The following ZMYND8 variants were observed in gnomAD, a reference collection of about 807,000 sequenced individuals.
ZMYND8 encodes zinc finger MYND-type containing 8, also known as MYND-type zinc finger-containing chromatin reader ZMYND8.
Under a neutral mutation model 140.8 loss-of-function variants are expected in ZMYND8, and 37 were observed. The observed-to-expected ratio is 0.26, with a 90% CI of 0.20 to 0.35. The LOEUF is 0.35. Ranked by LOEUF, ZMYND8 falls within the 10% of genes least tolerant of loss-of-function variation. The probability of loss-of-function intolerance (pLI) is 1.00; values close to 1 mark genes in which losing one functional copy is unlikely to be tolerated. For synonymous variants in ZMYND8, 592 were observed against 597.1 expected (o/e 0.99, Z 0.12); for missense variants, 1,068 against 1,570.0 (o/e 0.68, Z 5.40).
chr20:47,259,868 G>T (rs2075028479), intron 12 of ZMYND8, among the ~76,000 whole-genome samples: 1 of 152,102 alleles, frequency 6.6e-6, no homozygotes, highest in Non-Finnish European at 1.5e-5. Flanking sequence ...GTCATTTCAA[G>T]AACTACCACT....
intron 12 of ZMYND8, among the ~76,000 whole-genome samples, chr20:47,252,178 C>G (rs1489703364): frequency 6.6e-6 from 1 of 151,256 alleles, no homozygotes; most frequent in African/African-American, 2.4e-5. Flanking sequence ...CCTGTAATCC[C>G]CGGTACTCAG....
chr20:47,226,486 T>C (rs1235210904), intron 18 of ZMYND8, among the ~76,000 whole-genome samples: 1 of 152,168 alleles, frequency 6.6e-6, no homozygotes, highest in African/African-American at 2.4e-5. Context: ...TTCTCCGCAC[T>C]GAGCAGTGCA....
intron 12 of ZMYND8, among the ~76,000 whole-genome samples, chr20:47,251,191 G>A (rs1043572489): frequency 6.6e-6 from 1 of 152,154 alleles, no homozygotes; most frequent in Non-Finnish European, 1.5e-5. Context: ...CTGTGTGCAT[G>A]CATGTGTGTG....
intron 5 of ZMYND8, among the ~76,000 whole-genome samples, chr20:47,293,005 G>A (rs935194632): frequency 5.5e-5 from 8 of 146,644 alleles, no homozygotes; most frequent in African/African-American, 2.0e-4. Context: ...TGATGCTGCA[G>A]TAAGCTATGA....
Position 47,210,730 on chromosome 20 carries a change from T to G in ZMYND8, c.*31A>C. The G allele has an allele frequency of 6.2e-7, 1 of 1,613,994 alleles. No individual in the cohort carries two copies. Among genetic ancestry groups the G allele is most frequent in the Non-Finnish European group, 8.5e-7 (1 of 1,179,950 alleles). On this transcript the variant is annotated 3_prime_UTR_variant, in exon 23 of 23. Transcript: ENST00000471951. The stretch of plus-strand genomic sequence containing the variant: ...CCTGGCGTCTGGGTTTTTCTCCCAA[T>G]GGGGTGGGTGGTTTGTGTCCCGATT...
At position 47,335,678 on chromosome 20, in the gene ZMYND8, C is replaced by T. The variant is rs572588837; in HGVS notation, c.85+12178G>A. On this transcript the variant is annotated intron_variant, in intron 2 of 22. Transcript: ENST00000471951. ...CACAGTCTTCTAGAATAATAATAGTCACACAAACATATAACGTGGGTCATG... is the reference window on the plus strand; with the variant it reads ...CACAGTCTTCTAGAATAATAATAGTTACACAAACATATAACGTGGGTCATG... Among the ~76,000 whole-genome samples, 12 of 152,266 alleles carry T rather than the reference C, an allele frequency of 7.9e-5. No homozygotes were observed. The East Asian group carries it at 2.3e-3, about 29-fold the overall frequency.
chr20:47,287,868 A>G (rs1601614992), intron 7 of ZMYND8, among the ~76,000 whole-genome samples: 1 of 120,280 alleles, frequency 8.3e-6, no homozygotes, highest in African/African-American at 3.5e-5. Context: ...ACGCACACAC[A>G]TACACATTTT....
Position 47,350,021 on chromosome 20 carries a change from T to C in ZMYND8, c.15-2095A>G, listed in dbSNP as rs560138103. 3.5e-5 allele frequency: 51 copies of C among 1,472,868 alleles called. No homozygotes were observed. The African/African-American group carries it at 5.4e-4, about 16-fold the overall frequency. 91.2% of individuals were successfully genotyped at this position (1,472,868 alleles called of 1,614,324 possible). ...ACGAGGAAAATGCAAACTAGTTATG[T>C]GGTGGCTATTTGCTTCTGAGTTTTA... On this transcript the variant is annotated intron_variant, in intron 1 of 22. Transcript: ENST00000471951.
rs781429226 is a variant in ZMYND8, at chr20:47,347,937, G to A, written c.15-11C>T. On this transcript the variant is annotated splice_polypyrimidine_tract_variant and intron_variant, in intron 1 of 22. Coordinates refer to ENST00000471951, the MANE Select transcript of ZMYND8 (RefSeq NM_001281775.3). ...TCCTCTTCAGCCAAGCTGAAACAGAGCAAATTATGTTCATGTTTAGGAAGG... is the reference window on the plus strand; with the variant it reads ...TCCTCTTCAGCCAAGCTGAAACAGAACAAATTATGTTCATGTTTAGGAAGG... The A allele has an allele frequency of 1.9e-6, 3 of 1,613,428 alleles. No individual in the cohort carries two copies. Among genetic ancestry groups the A allele is most frequent in the South Asian group, 1.1e-5 (1 of 91,088 alleles).
At chr20:47,284,557 C>A (rs2076809144) in intron 8 of ZMYND8, among the ~76,000 whole-genome samples, 1 of 152,140 alleles carries the variant, frequency 6.6e-6, no homozygotes, top group Admixed American at 6.5e-5. Flanking sequence ...CTGGCCCCAG[C>A]CCACCTGTCT....
intron 8 of ZMYND8, chr20:47,285,739 CAAG>C: frequency 4.1e-6 from 4 of 985,028 alleles, no homozygotes; most frequent in African/African-American, 1.7e-5. Flanking sequence ...TATTTAATGA[CAAG>C]AGGAGTAATT....
intron 12 of ZMYND8, among the ~76,000 whole-genome samples, chr20:47,257,023 G>A (rs1038803609): frequency 6.6e-6 from 1 of 152,138 alleles, no homozygotes; most frequent in African/African-American, 2.4e-5. Flanking sequence ...AGAAGAAAAG[G>A]ACCGGGCCCA....
chr20:47,214,532 C>T (rs1466384153), intron 21 of ZMYND8, among the ~76,000 whole-genome samples: 3 of 152,190 alleles, frequency 2.0e-5, no homozygotes, highest in East Asian at 1.9e-4. Flanking sequence ...CTCACTCTGT[C>T]GCCCAGACTG....
chr20:47,325,965 A>T (rs1017977227), intron 2 of ZMYND8, among the ~76,000 whole-genome samples: 1 of 149,856 alleles, frequency 6.7e-6, no homozygotes, highest in African/African-American at 2.5e-5. Context: ...TTATTTATCT[A>T]TTTATTTTTT....
chr20:47,259,900 G>A (rs944016176), intron 12 of ZMYND8, among the ~76,000 whole-genome samples: 2 of 152,076 alleles, frequency 1.3e-5, no homozygotes, highest in Non-Finnish European at 2.9e-5. Context: ...CCACGTACAC[G>A]TCAAGATTCC....
In ZMYND8 at chr20:47,294,885, C is replaced by T. The variant is rs150063281; in HGVS notation, c.454-106G>A. 5.5e-5 allele frequency: 56 copies of T among 1,013,300 alleles called. No homozygotes were observed. In the East Asian group the frequency reaches 1.4e-3, roughly 25 times the overall value. The allele number at this position is 1,013,300 out of a possible 1,614,324, so 62.8% of individuals were successfully genotyped here. A position where few individuals can be genotyped will look rare whatever the true frequency, so the allele number is the denominator to read the frequency against. ...CAACTGACAGACAAAAAGCAATTCTCATCCCAATGAGACTTGTTGTTTCAC... is the reference window on the plus strand; with the variant it reads ...CAACTGACAGACAAAAAGCAATTCTTATCCCAATGAGACTTGTTGTTTCAC... On this transcript the variant is annotated intron_variant, in intron 4 of 22. Coordinates refer to ENST00000471951, the MANE Select transcript of ZMYND8 (RefSeq NM_001281775.3).
At chr20:47,314,213 A>G (rs1042253554) in intron 2 of ZMYND8, among the ~76,000 whole-genome samples, 2 of 151,866 alleles carry the variant, frequency 1.3e-5, no homozygotes, top group South Asian at 2.1e-4. Flanking sequence ...AAATAAAGAA[A>G]ATTGGCCAGG....
chr20:47,220,122 C>A, intron 21 of ZMYND8, 136 bp downstream of exon 21: 2 of 700,600 alleles, frequency 2.9e-6, no homozygotes, highest in Non-Finnish European at 2.3e-6. Context: ...CACTGACCCA[C>A]CCCAGGCACC....
chr20:47,325,660 T>C (rs2080347810), intron 2 of ZMYND8, among the ~76,000 whole-genome samples: 1 of 152,220 alleles, frequency 6.6e-6, no homozygotes, highest in African/African-American at 2.4e-5. Flanking sequence ...TAAGTAAAGA[T>C]TTATAACTTG....
Sources: allele counts gnomAD v4.1 joint callset (sites outside exome capture counted in the v4.1 genomes callset), GRCh38; gene constraint gnomAD v4.1.1; transcripts MANE v1.5; gene names NCBI Gene and HGNC (gene_info 2026-07-23, HGNC 2026-07-21).